The following ITGB8 variants were observed in gnomAD, a reference collection of about 807,000 sequenced individuals.
The protein encoded by ITGB8 is integrin subunit beta 8, also known as integrin beta-8.
A neutral mutation model predicts 89.5 loss-of-function variants in ITGB8; 30 were observed. The observed-to-expected ratio is 0.34, with a 90% CI of 0.25 to 0.45. The LOEUF is 0.45. ITGB8 is among the 20% of genes least tolerant of loss of function. The pLI is 1.00. For missense variants in ITGB8, 836 were observed against 933.3 expected (o/e 0.90, Z 1.36); for synonymous variants, 335 against 320.4 (o/e 1.05, Z -0.49).
At chr7:20,334,338 A>G (rs1315581511) in intron 1 of ITGB8, among the ~76,000 whole-genome samples, 2 of 152,184 alleles carry the variant, frequency 1.3e-5, no homozygotes. Flanking sequence ...ATGTAGCAAC[A>G]TTGTTTCCAC....
chr7:20,381,500 G>C (rs764155365), intron 5 of ITGB8: 2 of 417,608 alleles, frequency 4.8e-6, no homozygotes, highest in Non-Finnish European at 4.2e-6. Flanking sequence ...TCCTCCAGTG[G>C]AACACTAGAA....
At chr7:20,386,130 C>G (rs1280379302) in intron 6 of ITGB8, among the ~76,000 whole-genome samples, 1 of 152,146 alleles carries the variant, frequency 6.6e-6, no homozygotes, top group Admixed American at 6.5e-5. Flanking sequence ...GTTTTAAGTC[C>G]ATGTGCAGCT....
rs766864266 is a variant in ITGB8, at chr7:20,331,817, C to T, written c.11C>T (p.Ser4Leu). 2.5e-6 allele frequency: 4 copies of T among 1,612,922 alleles called. No homozygotes were observed. Among genetic ancestry groups the T allele is most frequent in the Admixed American group, 1.7e-5 (1 of 60,036 alleles). MCG[S>L]ALAFFTAAFV... ...GGGCTGTTTTGCATTATGTGCGGCT[C>T]GGCCCTGGCTTTTTTTACCGCTGCA... Residue 4 changes from serine (S) to leucine (L), a missense_variant, in exon 1 of 14, where the codon TCG becomes TTG. Ser to Leu is a moderately radical substitution (Grantham distance 145). Around this residue, in one of 5 missense-constraint regions of ITGB8, gnomAD observed 182 missense variants for 177.0 expected, o/e 1.03. Transcript: ENST00000222573.
At chr7:20,354,502 G>A (rs1412700303) in intron 1 of ITGB8, among the ~76,000 whole-genome samples, 4 of 152,186 alleles carry the variant, frequency 2.6e-5, no homozygotes, top group African/African-American at 9.6e-5. Context: ...GACGAAGTAA[G>A]ATTCGAGTAA....
intron 1 of ITGB8, among the ~76,000 whole-genome samples, chr7:20,356,794 A>G (rs887637908): frequency 1.2e-4 from 18 of 152,194 alleles, no homozygotes; most frequent in Non-Finnish European, 2.4e-4. Context: ...AAAACTAGAA[A>G]TGTCTCTAAA....
At chr7:20,382,681 GTTTT>G (rs111617774) in intron 6 of ITGB8, among the ~76,000 whole-genome samples, 1 of 152,064 alleles carries the variant, frequency 6.6e-6, no homozygotes, top group Non-Finnish European at 1.5e-5. Context: ...TAATAGTTCT[GTTTT>G]TTTAAGTGGT....
chr7:20,392,681 C>G (rs1190373868), intron 7 of ITGB8, among the ~76,000 whole-genome samples: 1 of 152,172 alleles, frequency 6.6e-6, no homozygotes, highest in Non-Finnish European at 1.5e-5. Flanking sequence ...CACTCCCAGG[C>G]CCTCACCCTT....
rs776133370 is a variant in ITGB8, at chr7:20,363,597, T to C, written c.128-40T>C. 1.1e-5 allele frequency: 14 copies of C among 1,221,596 alleles called. No individual in the cohort carries two copies. The South Asian group carries it at 2.0e-4, about 18-fold the overall frequency. The allele number at this position is 1,221,596 out of a possible 1,614,324, so 75.7% of individuals were successfully genotyped here. ...AGTCTAGAATTATATACGCTTTCTA[T>C]TTTGAGAGTAAATTATAACTGTTTT... On this transcript the variant is annotated intron_variant, in intron 1 of 13. Transcript: ENST00000222573.
chr7:20,378,949 G>T, intron 3 of ITGB8, 102 bp from the exon 4 acceptor site: 3 of 714,030 alleles, frequency 4.2e-6, no homozygotes, highest in Non-Finnish European at 6.3e-6. Flanking sequence ...GTGCAAATTT[G>T]TGATGATTGT....
In ITGB8 at chr7:20,414,933, A is replaced by G. The variant is rs1055066611; in HGVS notation, c.*4936A>G. Reference sequence around the variant, plus strand: ...ATTGTCTAATACTGCTCTATTAATCAGGTTTCTAGCCTCTACAACCTACTT... The same window carrying G: ...ATTGTCTAATACTGCTCTATTAATCGGGTTTCTAGCCTCTACAACCTACTT... On this transcript the variant is annotated 3_prime_UTR_variant, in exon 14 of 14. Coordinates refer to ENST00000222573, the MANE Select transcript of ITGB8 (RefSeq NM_002214.3). 1 of 152,644 alleles carries G rather than the reference A, an allele frequency of 6.6e-6. No homozygotes were observed. Among genetic ancestry groups the G allele is most frequent in the African/African-American group, 2.4e-5 (1 of 41,568 alleles). The allele number at this position is 152,644 out of a possible 1,614,324, so 9.5% of individuals were successfully genotyped here.
Position 20,350,298 on chromosome 7 carries a change from C to T in ITGB8, c.128-13339C>T, listed in dbSNP as rs150803505. On this transcript the variant is annotated intron_variant, in intron 1 of 13. Transcript: ENST00000222573. ...GAGTAGCTGAGATTACAGGTGCCCG[C>T]CACCATGTCCGGCTAATTTTTGTAT... 7.5e-3 allele frequency among the ~76,000 whole-genome samples: 1,146 copies of T among 152,252 alleles called. 21 individuals are homozygous for T. Among genetic ancestry groups the T allele is most frequent in the African/African-American group, 0.026 (1,079 of 41,546 alleles).
intron 6 of ITGB8, among the ~76,000 whole-genome samples, chr7:20,388,904 C>T (rs186323136): frequency 1.3e-5 from 2 of 152,098 alleles, no homozygotes; most frequent in East Asian, 3.9e-4. Context: ...TTCTGTTTTC[C>T]TTTGTTAGTT....
intron 1 of ITGB8, among the ~76,000 whole-genome samples, chr7:20,355,262 G>A (rs1282135212): frequency 2.0e-5 from 3 of 152,138 alleles, no homozygotes; most frequent in African/African-American, 7.2e-5. Context: ...TGTCGTTTGG[G>A]CTCAAAGCTA....
intron 3 of ITGB8, among the ~76,000 whole-genome samples, chr7:20,368,527 C>T (rs1343796821): frequency 6.6e-6 from 1 of 152,102 alleles, no homozygotes; most frequent in Non-Finnish European, 1.5e-5. Context: ...ATCTTTATCT[C>T]TCTTTTTTGT....
At chr7:20,375,572 T>A (rs1386211083) in intron 3 of ITGB8, among the ~76,000 whole-genome samples, 3 of 152,224 alleles carry the variant, frequency 2.0e-5, no homozygotes, top group Non-Finnish European at 4.4e-5. Flanking sequence ...TTGTAGAAAC[T>A]TACTTAGGTT....
intron 11 of ITGB8, 109 bp from the exon 12 acceptor site, chr7:20,405,953 T>C (rs932477354): frequency 6.1e-6 from 4 of 653,930 alleles, no homozygotes; most frequent in African/African-American, 5.4e-5. Context: ...ATAATCAAAA[T>C]TTGAATTGTT....
intron 6 of ITGB8, among the ~76,000 whole-genome samples, chr7:20,391,151 CTTTG>C (rs775109073): frequency 6.6e-6 from 1 of 151,942 alleles, no homozygotes; most frequent in Non-Finnish European, 1.5e-5. Flanking sequence ...GCTGTTCACT[CTTTG>C]TTAGTTAGTT....
rs1786269302 is a variant in ITGB8, at chr7:20,379,080, C to T, written c.418C>T (p.His140Tyr). 6.3e-7 allele frequency: 1 copy of T among 1,590,940 alleles called. No homozygotes were observed. The highest frequency in any genetic ancestry group is 8.6e-7 in the Non-Finnish European group (1 of 1,167,862). Residue 140 changes from histidine to tyrosine, a missense_variant, in exon 4 of 14, where the codon CAT becomes TAT. Coordinates refer to ENST00000222573, the MANE Select transcript of ITGB8 (RefSeq NM_002214.3). The stretch of plus-strand genomic sequence containing the variant: ...CGAAGCTAATTTTATGCTGAAAGTT[C>T]ATCCTCTGAAGAAATATCCTGTGGA... ...GAEANFMLKV[H>Y]PLKKYPVDLY... is the part of the protein sequence containing the mutation.
intron 6 of ITGB8, among the ~76,000 whole-genome samples, chr7:20,385,886 C>T (rs149479381): frequency 1.3e-5 from 2 of 152,264 alleles, no homozygotes; most frequent in African/African-American, 2.4e-5. Flanking sequence ...GTCTGGAAAA[C>T]ATTTATAACT....
Sources: gnomAD v4.1 joint callset for allele counts (sites outside exome capture counted in the v4.1 genomes callset) on GRCh38, gnomAD v4.1.1 for gene constraint, gnomAD v4.1.1 regional missense constraint, MANE v1.5 for transcripts, NCBI Gene and HGNC (gene_info 2026-07-23, HGNC 2026-07-21) for gene names.